RAB21: variants seen among roughly 807,000 people sequenced by gnomAD.
RAB21 encodes the protein ras-related protein Rab-21.
A neutral mutation model predicts 33.1 loss-of-function variants in RAB21; 13 were observed. That is an observed-to-expected ratio of 0.39 (90% CI 0.26 to 0.62). The LOEUF (loss-of-function observed/expected upper bound fraction) is 0.62, where lower values mean the gene tolerates loss of function less well. RAB21 is among the 20% of genes least tolerant of loss of function. The pLI is 0.48. For missense variants in RAB21, 234 were observed against 279.1 expected (o/e 0.84, Z 1.15); for synonymous variants, 91 against 103.7 (o/e 0.88, Z 0.74).
chr12:71,765,772 C>T (rs1358636175), intron 1 of RAB21, among the ~76,000 whole-genome samples: 1 of 152,032 alleles, frequency 6.6e-6, no homozygotes, highest in South Asian at 2.1e-4. Flanking sequence ...AAGTATTTGG[C>T]TTTATTTCTG....
chr12:71,799,810 C>T lies in RAB21; in HGVS notation c.*14137C>T, dbSNP rs538262263. ...TGCACAGGCCAGGCACAGTGGTTCACACCTGTAATCCCAGCATTTTGGGAG... is the reference window on the plus strand; with the variant it reads ...TGCACAGGCCAGGCACAGTGGTTCATACCTGTAATCCCAGCATTTTGGGAG... On this transcript the variant is annotated 3_prime_UTR_variant, in exon 7 of 7. Transcript: ENST00000261263. The T allele has an allele frequency of 1.3e-5, 2 of 152,338 alleles. No individual in the cohort carries two copies. The highest frequency in any genetic ancestry group is 4.1e-4 in the South Asian group (2 of 4,824). The allele number at this position is 152,338 out of a possible 1,614,324, so 9.4% of individuals were successfully genotyped here. A position where few individuals can be genotyped will look rare whatever the true frequency, so the allele number is the denominator to read the frequency against.
At chr12:71,756,078 C>T (rs75727782) in intron 1 of RAB21, among the ~76,000 whole-genome samples, 3,394 of 152,338 alleles carry the variant, frequency 0.022, 123 homozygotes, top group East Asian at 0.13. Context: ...CACCCCACCT[C>T]TCCCAGAGAA....
At chr12:71,777,840 T>G (rs1463256817) in intron 4 of RAB21, among the ~76,000 whole-genome samples, 1 of 152,188 alleles carries the variant, frequency 6.6e-6, no homozygotes, top group African/African-American at 2.4e-5. Flanking sequence ...AATCCAAATG[T>G]TGTTGAGCTA....
At chr12:71,758,174 A>G (rs1882814294) in intron 1 of RAB21, among the ~76,000 whole-genome samples, 1 of 151,976 alleles carries the variant, frequency 6.6e-6, no homozygotes, top group Non-Finnish European at 1.5e-5. Context: ...CTGGGACTAC[A>G]GGCATGTGCC....
intron 4 of RAB21, among the ~76,000 whole-genome samples, chr12:71,778,461 GA>G (rs757915134): frequency 1.3e-4 from 20 of 152,254 alleles, no homozygotes; most frequent in Non-Finnish European, 2.1e-4. Context: ...TGTGCTTAGA[GA>G]CCTTGAAACT....
intron 1 of RAB21, among the ~76,000 whole-genome samples, chr12:71,759,175 A>C (rs1383176724): frequency 6.6e-6 from 1 of 152,158 alleles, no homozygotes; most frequent in Non-Finnish European, 1.5e-5. Context: ...TAAGCCTGTT[A>C]ATGTCCTTTT....
intron 6 of RAB21, 55 bp from the exon 7 acceptor site, chr12:71,785,472 TAGAA>T (rs1215868472): frequency 9.5e-6 from 15 of 1,575,548 alleles, no homozygotes; most frequent in East Asian, 2.3e-5. Context: ...ACTGAAATTT[TAGAA>T]AGAGAAAACA....
rs543420905 is a variant in RAB21, at chr12:71,800,198, C to A, written c.*14525C>A. 4.6e-5 allele frequency: 7 copies of A among 152,136 alleles called. No individual in the cohort carries two copies. In the South Asian group the frequency reaches 1.2e-3, roughly 27 times the overall value. 9.4% of individuals were successfully genotyped at this position (152,136 alleles called of 1,614,324 possible). On this transcript the variant is annotated 3_prime_UTR_variant, in exon 7 of 7. Transcript: ENST00000261263. ...AAATTTCCTTACACTTTCTTGTAAT[C>A]CCTTCTCCCTCCCATTCCTGCTTTC...
At position 71,796,948 on chromosome 12, in the gene RAB21, A is replaced by T. The variant is rs1398058173; in HGVS notation, c.*11275A>T. 1 of 152,230 alleles carries T rather than the reference A, an allele frequency of 6.6e-6. No individual in the cohort carries two copies. Among genetic ancestry groups the T allele is most frequent in the African/African-American group, 2.4e-5 (1 of 41,464 alleles). The allele number at this position is 152,230 out of a possible 1,614,324, so 9.4% of individuals were successfully genotyped here. On this transcript the variant is annotated 3_prime_UTR_variant, in exon 7 of 7. Coordinates refer to ENST00000261263, the MANE Select transcript of RAB21 (RefSeq NM_014999.4). Reference sequence around the variant, plus strand: ...AATGGAATAATCTCTTTTTAGAAGTAAATTAGTTTTTATTTCATTTGTGGG... The same window carrying T: ...AATGGAATAATCTCTTTTTAGAAGTTAATTAGTTTTTATTTCATTTGTGGG...
chr12:71,775,666 A>G (rs942363084), intron 4 of RAB21, among the ~76,000 whole-genome samples: 6 of 152,126 alleles, frequency 3.9e-5, no homozygotes, highest in Admixed American at 1.3e-4. Context: ...CCTCCCGAGC[A>G]GCTGGGACTA....
intron 4 of RAB21, among the ~76,000 whole-genome samples, chr12:71,778,509 G>C (rs1883152827): frequency 6.6e-6 from 1 of 152,058 alleles, no homozygotes; most frequent in South Asian, 2.1e-4. Flanking sequence ...GTAGACCTGG[G>C]ATTTTAACTC....
chr12:71,763,339 C>T (rs1168533352), intron 1 of RAB21, among the ~76,000 whole-genome samples: 2 of 152,030 alleles, frequency 1.3e-5, no homozygotes, highest in Non-Finnish European at 2.9e-5. Flanking sequence ...CAAATGGTCC[C>T]GCTAACAGAG....
In RAB21 at chr12:71,788,351, C is replaced by T. The variant is rs1036066759; in HGVS notation, c.*2678C>T. 13 of 151,744 alleles carry T rather than the reference C, an allele frequency of 8.6e-5. No homozygotes were observed. Among genetic ancestry groups the T allele is most frequent in the African/African-American group, 2.7e-4 (11 of 41,306 alleles). The allele number at this position is 151,744 out of a possible 1,614,324, so 9.4% of individuals were successfully genotyped here. A position where few individuals can be genotyped will look rare whatever the true frequency, so the allele number is the denominator to read the frequency against. On this transcript the variant is annotated 3_prime_UTR_variant, in exon 7 of 7. Coordinates refer to ENST00000261263, the MANE Select transcript of RAB21 (RefSeq NM_014999.4). ...TTCTGTGTTATCTTTCTTAACCTCA[C>T]GTATTTCTTTATCCTTTTTAGTGGG...
intron 4 of RAB21, among the ~76,000 whole-genome samples, chr12:71,779,723 G>A (rs1883170998): frequency 6.6e-6 from 1 of 152,112 alleles, no homozygotes; most frequent in East Asian, 1.9e-4. Flanking sequence ...CTTTCCAATA[G>A]TGTCAGCCTA....
rs1592650137 is a variant in RAB21, at chr12:71,782,450, CTT to C, written c.447-119_447-118del. 5.3e-5 allele frequency: 33 copies of C among 624,908 alleles called. No homozygotes were observed. The East Asian group carries it at 8.2e-4, about 16-fold the overall frequency. The allele number at this position is 624,908 out of a possible 1,614,324, so 38.7% of individuals were successfully genotyped here. A position where few individuals can be genotyped will look rare whatever the true frequency, so the allele number is the denominator to read the frequency against. ...TAGAGAATTTAAATAGCTATATAAACTTAATTTCACTAAACTTGAGTAAATTA... is the reference window on the plus strand; with the variant it reads ...TAGAGAATTTAAATAGCTATATAAACAATTTCACTAAACTTGAGTAAATTA... On this transcript the variant is annotated intron_variant, in intron 5 of 6. Transcript: ENST00000261263.
At chr12:71,760,411 A>T (rs1433787611) in intron 1 of RAB21, among the ~76,000 whole-genome samples, 1 of 152,138 alleles carries the variant, frequency 6.6e-6, no homozygotes, top group Non-Finnish European at 1.5e-5. Flanking sequence ...TTCCTCGCTG[A>T]TTTGAGGCTT....
chr12:71,785,489 A>G (rs1341996879), intron 6 of RAB21, 42 bp from the exon 7 acceptor site: 7 of 1,601,760 alleles, frequency 4.4e-6, no homozygotes, highest in Non-Finnish European at 6.0e-6. Context: ...AGAAAACACA[A>G]ATATTGTGGT....
chr12:71,756,314 A>G (rs912204036), intron 1 of RAB21, among the ~76,000 whole-genome samples: 1 of 152,208 alleles, frequency 6.6e-6, no homozygotes, highest in African/African-American at 2.4e-5. Context: ...TAGGGTTGTC[A>G]GGATAAATAT....
chr12:71,791,801 A>G lies in RAB21; in HGVS notation c.*6128A>G, dbSNP rs1883388657. On this transcript the variant is annotated 3_prime_UTR_variant, in exon 7 of 7. Transcript: ENST00000261263. ...TTTCCATTCCCTGAATGGAACTTCT[A>G]CCCTATATCAAATTCCACCCTCAAC... 6.6e-6 allele frequency: 1 copy of G among 152,016 alleles called. No individual in the cohort carries two copies. The highest frequency in any genetic ancestry group is 2.1e-4 in the South Asian group (1 of 4,828). The allele number at this position is 152,016 out of a possible 1,614,324, so 9.4% of individuals were successfully genotyped here.
Sources: gnomAD v4.1 joint callset for allele counts (sites outside exome capture counted in the v4.1 genomes callset) on GRCh38, gnomAD v4.1.1 for gene constraint, MANE v1.5 for transcripts, NCBI Gene and HGNC (gene_info 2026-07-23, HGNC 2026-07-21) for gene names.